SYT16: variants seen among roughly 807,000 people sequenced by gnomAD.
SYT16 encodes the protein synaptotagmin 16.
A neutral mutation model predicts 61.4 loss-of-function variants in SYT16; 42 were observed. The observed-to-expected ratio is 0.68, with a 90% CI of 0.53 to 0.89. The LOEUF is 0.89. Ranked by LOEUF, SYT16 falls within the 40% of genes least tolerant of loss-of-function variation. SYT16 has a pLI of 0.00. For synonymous variants in SYT16, 314 were observed against 302.3 expected (o/e 1.04, Z -0.40); for missense variants, 804 against 807.3 (o/e 1.00, Z 0.05).
At chr14:61,953,008 A>G (rs1206727672) in intron 1 of SYT16, among the ~76,000 whole-genome samples, 1 of 152,198 alleles carries the variant, frequency 6.6e-6, no homozygotes, top group African/African-American at 2.4e-5. Flanking sequence ...GATGTAGGAC[A>G]TTGGCAAAAT....
chr14:61,907,749 G>A (rs2048778350), intron 1 of SYT16, among the ~76,000 whole-genome samples: 1 of 152,226 alleles, frequency 6.6e-6, no homozygotes, highest in East Asian at 1.9e-4. Flanking sequence ...AATCACACAG[G>A]TAACTCTGGC....
chr14:61,819,433 A>G (rs2045547301), intron 1 of SYT16, among the ~76,000 whole-genome samples: 2 of 152,214 alleles, frequency 1.3e-5, no homozygotes, highest in Non-Finnish European at 2.9e-5. Flanking sequence ...AGGATTATAC[A>G]TATCTGATTT....
At chr14:62,065,916 T>C (rs1221942301) in intron 3 of SYT16, among the ~76,000 whole-genome samples, 1 of 152,204 alleles carries the variant, frequency 6.6e-6, no homozygotes, top group South Asian at 2.1e-4. Flanking sequence ...ATTGGAGTAA[T>C]GCTGGGAAAT....
intron 7 of SYT16, among the ~76,000 whole-genome samples, chr14:62,100,041 T>C (rs1034239116): frequency 2.6e-5 from 4 of 152,230 alleles, no homozygotes; most frequent in Non-Finnish European, 5.9e-5. Flanking sequence ...TGTATATTTA[T>C]CTTGTTACAT....
At chr14:62,084,490 A>G in intron 7 of SYT16, 105 bp downstream of exon 7, 3 of 1,284,400 alleles carry the variant, frequency 2.3e-6, no homozygotes, top group Non-Finnish European at 2.1e-6. Flanking sequence ...AAATGATCTT[A>G]TTATGGCTTA....
rs183448198 is a variant in SYT16 at position 61,923,562 on chromosome 14, G to A, written c.-324-46570G>A. On this transcript the variant is annotated intron_variant, in intron 1 of 7. Coordinates refer to ENST00000683842, the MANE Select transcript of SYT16 (RefSeq NM_001367656.1). ...CCTTCCTGTGTTTTGGCCAGTGAGC[G>A]AGCGGAAACATTTCAAGCTGTTTGT... 4.6e-4 allele frequency among the ~76,000 whole-genome samples: 70 copies of A among 152,184 alleles called. 1 individual carries two copies. Among genetic ancestry groups the A allele is most frequent in the African/African-American group, 1.6e-3 (66 of 41,522 alleles).
At chr14:61,858,483 G>C (rs531223576) in intron 1 of SYT16, among the ~76,000 whole-genome samples, 1 of 152,252 alleles carries the variant, frequency 6.6e-6, no homozygotes, top group East Asian at 1.9e-4. Flanking sequence ...CTTAAAATAG[G>C]AAAGCAGAGA....
chr14:62,002,541 A>G (rs2053061660), intron 3 of SYT16, among the ~76,000 whole-genome samples: 1 of 152,038 alleles, frequency 6.6e-6, no homozygotes, highest in Non-Finnish European at 1.5e-5. Flanking sequence ...GCTGTTGTAG[A>G]GTGCTCTCGG....
At chr14:61,901,321 A>G (rs902406535) in intron 1 of SYT16, among the ~76,000 whole-genome samples, 3 of 152,192 alleles carry the variant, frequency 2.0e-5, no homozygotes, top group Admixed American at 1.3e-4. Flanking sequence ...AAGGCACGTA[A>G]TATGTGCCAG....
intron 3 of SYT16, among the ~76,000 whole-genome samples, chr14:62,046,739 A>G (rs2055005280): frequency 1.3e-5 from 2 of 152,016 alleles, no homozygotes; most frequent in South Asian, 4.2e-4. Flanking sequence ...GTTTTTGTCA[A>G]GTTTGTCAAA....
chr14:62,046,985 G>A (rs182329070), intron 3 of SYT16, among the ~76,000 whole-genome samples: 4 of 152,262 alleles, frequency 2.6e-5, no homozygotes, highest in African/African-American at 7.2e-5. Context: ...TTCCAATTCT[G>A]TGAAGAAAGT....
At chr14:61,951,079 T>G (rs1038894961) in intron 1 of SYT16, among the ~76,000 whole-genome samples, 3 of 152,218 alleles carry the variant, frequency 2.0e-5, no homozygotes, top group Non-Finnish European at 4.4e-5. Context: ...ATAATTGGTT[T>G]TATTGGTTAG....
intron 1 of SYT16, among the ~76,000 whole-genome samples, chr14:61,888,080 A>G (rs1158162445): frequency 1.3e-5 from 2 of 150,900 alleles, no homozygotes; most frequent in African/African-American, 4.9e-5. Context: ...TTGAACACTT[A>G]CAGGCCATTG....
intron 3 of SYT16, among the ~76,000 whole-genome samples, chr14:62,009,565 T>A (rs1200180050): frequency 6.6e-6 from 1 of 152,190 alleles, no homozygotes; most frequent in African/African-American, 2.4e-5. Context: ...GATGTTGGGT[T>A]TAGAATTCTG....
chr14:61,834,463 C>A (rs1376556640), intron 1 of SYT16, among the ~76,000 whole-genome samples: 2 of 112,658 alleles, frequency 1.8e-5, no homozygotes, highest in East Asian at 2.8e-4. Flanking sequence ...GAGACAGAGT[C>A]TTGCTCTTGT....
intron 1 of SYT16, among the ~76,000 whole-genome samples, chr14:61,819,658 C>T (rs2045553863): frequency 6.6e-6 from 1 of 152,160 alleles, no homozygotes; most frequent in Admixed American, 6.6e-5. Context: ...CAAAAGAGCA[C>T]CATACAGATA....
rs1231768607 is a variant in SYT16, at chr14:62,110,786, C to A, written c.*10079C>A. Reference sequence around the variant, plus strand: ...AGAACAACCTAACTTTGAGTACAGGCAAAGTATTAAATGGAATAGCTTTTC... The same window carrying A: ...AGAACAACCTAACTTTGAGTACAGGAAAAGTATTAAATGGAATAGCTTTTC... On this transcript the variant is annotated 3_prime_UTR_variant, in exon 8 of 8. Transcript: ENST00000683842. 1 of 151,996 alleles carries A rather than the reference C, an allele frequency of 6.6e-6. No homozygotes were observed. Among genetic ancestry groups the A allele is most frequent in the Non-Finnish European group, 1.5e-5 (1 of 67,906 alleles). The allele number at this position is 151,996 out of a possible 1,614,324, so 9.4% of individuals were successfully genotyped here.
intron 3 of SYT16, among the ~76,000 whole-genome samples, chr14:62,067,720 G>T (rs898687159): frequency 1.3e-5 from 2 of 152,120 alleles, no homozygotes; most frequent in Non-Finnish European, 1.5e-5. Flanking sequence ...TTAACAATAG[G>T]CTGGGGGCAT....
At position 61,980,642 on chromosome 14, in the gene SYT16, A is replaced by G. The variant is rs182912716; in HGVS notation, c.-145+10331A>G. The stretch of plus-strand genomic sequence containing the variant: ...CTATGTCATGCCACACATTGTGCTA[A>G]GTGCTGGAAATAAAATGGTGAAAAA... On this transcript the variant is annotated intron_variant, in intron 2 of 7. Transcript: ENST00000683842. 1.1e-4 allele frequency among the ~76,000 whole-genome samples: 17 copies of G among 152,334 alleles called. No homozygotes were observed. In the East Asian group the frequency reaches 3.1e-3, roughly 28 times the overall value.
Sources: allele counts gnomAD v4.1 joint callset (sites outside exome capture counted in the v4.1 genomes callset), GRCh38; gene constraint gnomAD v4.1.1; transcripts MANE v1.5; gene names NCBI Gene and HGNC (gene_info 2026-07-23, HGNC 2026-07-21).